Variants in KIF14 observed in about 807,000 individuals in gnomAD.
KIF14 encodes the protein kinesin-like protein KIF14.
A neutral mutation model predicts 176.2 loss-of-function variants in KIF14; 98 were observed. The observed-to-expected ratio is 0.56, with a 90% confidence interval of 0.47 to 0.66. The LOEUF (loss-of-function observed/expected upper bound fraction) is 0.66, where lower values mean the gene tolerates loss of function less well. Among genes scored for constraint, KIF14 ranks in the 30% least tolerant of loss-of-function variants. The pLI is 0.00. For missense variants in KIF14, 1,751 were observed against 1,920.4 expected (o/e 0.91, Z 1.65); for synonymous variants, 566 against 632.2 (o/e 0.90, Z 1.57).
chr1:200,567,115 G>A (rs1657499069), intron 23 of KIF14, among the ~76,000 whole-genome samples: 1 of 151,308 alleles, frequency 6.6e-6, no homozygotes, highest in Admixed American at 6.6e-5. Flanking sequence ...AGGTTGCAGT[G>A]AGCCGAGATC....
At chr1:200,578,204 T>G (rs1180802520) in intron 21 of KIF14, among the ~76,000 whole-genome samples, 1 of 152,158 alleles carries the variant, frequency 6.6e-6, no homozygotes, top group African/African-American at 2.4e-5. Flanking sequence ...AGCTTATATT[T>G]ATTAATTTCT....
intron 14 of KIF14, among the ~76,000 whole-genome samples, chr1:200,594,283 C>T (rs912528842): frequency 6.7e-6 from 1 of 149,972 alleles, no homozygotes; most frequent in Non-Finnish European, 1.5e-5. Flanking sequence ...CTCTAGCAAT[C>T]CGATCCACCT....
intron 5 of KIF14, among the ~76,000 whole-genome samples, chr1:200,607,015 A>G (rs1339077156): frequency 6.7e-6 from 1 of 149,406 alleles, no homozygotes; most frequent in Non-Finnish European, 1.5e-5. Context: ...ACAATATGCA[A>G]CAATATATTG....
intron 11 of KIF14, 29 bp from the exon 12 acceptor site, chr1:200,600,532 A>G: frequency 6.8e-7 from 1 of 1,469,222 alleles, no homozygotes; most frequent in Non-Finnish European, 9.5e-7. Context: ...ATGCATTAAT[A>G]ATAACATTTA....
chr1:200,565,002 G>C (rs1198692621), intron 25 of KIF14, 67 bp downstream of exon 25: 1 of 1,260,200 alleles, frequency 7.9e-7, no homozygotes, highest in African/African-American at 1.5e-5. Context: ...GGAAGATATA[G>C]ACAGTAGAAA....
intron 22 of KIF14, among the ~76,000 whole-genome samples, chr1:200,572,482 T>C (rs887106710): frequency 4.6e-5 from 7 of 152,080 alleles, no homozygotes; most frequent in South Asian, 2.1e-4. Context: ...GTAGCTGGGA[T>C]TACAGGCGCC....
chr1:200,554,103 G>A (rs999040299), intron 29 of KIF14, among the ~76,000 whole-genome samples: 2 of 152,078 alleles, frequency 1.3e-5, no homozygotes, highest in Admixed American at 6.6e-5. Context: ...AAAAAGGAAA[G>A]ATGTCAGCCG....
intron 14 of KIF14, among the ~76,000 whole-genome samples, chr1:200,597,116 A>G (rs1294886634): frequency 6.6e-6 from 1 of 151,250 alleles, no homozygotes; most frequent in African/African-American, 2.4e-5. Flanking sequence ...CCCAGGCTGG[A>G]CTCAAACTCC....
At chr1:200,581,327 A>G (rs1051450129) in intron 19 of KIF14, 33 bp from the exon 20 acceptor site, 9 of 1,210,358 alleles carry the variant, frequency 7.4e-6, no homozygotes, top group Middle Eastern at 1.9e-4. Flanking sequence ...GATTCAAAAT[A>G]CATACATGGA....
rs1002172803 is a variant in KIF14, at chr1:200,589,126, T to C, written c.3114+91A>G. On this transcript the variant is annotated intron_variant, in intron 18 of 29. Transcript: ENST00000367350. ...ACATCTACAAACCTGGATTTGGCTC[T>C]CTTCTGTCAACATACCATAAGCCAC... 4 of 1,032,542 alleles carry C rather than the reference T, an allele frequency of 3.9e-6. No individual in the cohort carries two copies. The African/African-American group carries it at 6.6e-5, about 17-fold the overall frequency. 64.0% of individuals were successfully genotyped at this position (1,032,542 alleles called of 1,614,324 possible). A position where few individuals can be genotyped will look rare whatever the true frequency, so the allele number is the denominator to read the frequency against.
chr1:200,599,905 T>C, intron 13 of KIF14, 145 bp downstream of exon 13: 1 of 550,698 alleles, frequency 1.8e-6, no homozygotes, highest in Non-Finnish European at 3.2e-6. Flanking sequence ...TTTATATTAA[T>C]TTTCCTTACG....
chr1:200,601,178 C>T (rs1444385882), intron 11 of KIF14, among the ~76,000 whole-genome samples: 2 of 152,070 alleles, frequency 1.3e-5, no homozygotes, highest in African/African-American at 2.4e-5. Flanking sequence ...CCACCATGCC[C>T]GGCCCAGAAT....
At chr1:200,560,469 C>T (rs868136962) in intron 26 of KIF14, among the ~76,000 whole-genome samples, 7 of 152,004 alleles carry the variant, frequency 4.6e-5, no homozygotes, top group Non-Finnish European at 2.9e-5. Context: ...ACGGGTGTTT[C>T]GCCTATTGGC....
chr1:200,576,250 G>A (rs984795490), intron 21 of KIF14, among the ~76,000 whole-genome samples: 17 of 151,880 alleles, frequency 1.1e-4, no homozygotes, highest in Non-Finnish European at 2.1e-4. Context: ...AGGCCGAGGC[G>A]GGCGGATCAC....
At chr1:200,582,110 A>T (rs2102657450) in intron 19 of KIF14, among the ~76,000 whole-genome samples, 1 of 152,272 alleles carries the variant, frequency 6.6e-6, no homozygotes, top group Admixed American at 6.5e-5. Flanking sequence ...ACAGTAGCTC[A>T]TGTCTATAAT....
At chr1:200,554,705 A>T in intron 28 of KIF14, 99 bp from the exon 29 acceptor site, 1 of 641,598 alleles carries the variant, frequency 1.6e-6, no homozygotes, top group Middle Eastern at 4.3e-4. Flanking sequence ...CTTCTCTTTA[A>T]GAAAGAGAGT....
intron 14 of KIF14, among the ~76,000 whole-genome samples, chr1:200,596,295 A>C (rs1386582290): frequency 1.3e-5 from 2 of 152,154 alleles, no homozygotes; most frequent in Admixed American, 1.3e-4. Flanking sequence ...AGTAATTACG[A>C]CCATGGGGTA....
intron 22 of KIF14, among the ~76,000 whole-genome samples, chr1:200,572,559 G>A (rs1221290875): frequency 6.6e-6 from 1 of 152,074 alleles, no homozygotes; most frequent in Non-Finnish European, 1.5e-5. Flanking sequence ...TAGCCAGGAT[G>A]GTCTCAATCT....
chr1:200,586,299 G>A (rs901218495), intron 18 of KIF14, 72 bp from the exon 19 acceptor site: 10 of 1,290,580 alleles, frequency 7.7e-6, no homozygotes, highest in African/African-American at 1.5e-5. Flanking sequence ...ACCACATTGA[G>A]ATGATGGATA....
Sources: allele counts gnomAD v4.1 joint callset (sites outside exome capture counted in the v4.1 genomes callset), GRCh38; gene constraint gnomAD v4.1.1; transcripts MANE v1.5; gene names NCBI Gene and HGNC (gene_info 2026-07-23, HGNC 2026-07-21).